ZC3HAV1: variants seen among roughly 807,000 people sequenced by gnomAD.
ZC3HAV1 encodes zinc finger CCCH-type antiviral protein 1.
In ZC3HAV1, 41 loss-of-function variants were observed where a neutral mutation model predicts 86.6. That is an observed-to-expected ratio of 0.47 (90% confidence interval 0.37 to 0.61). The LOEUF is 0.61. Among genes scored for constraint, ZC3HAV1 ranks in the 20% least tolerant of loss-of-function variants. The pLI, the probability that ZC3HAV1 is intolerant of heterozygous loss-of-function variation, is 0.00. For synonymous variants in ZC3HAV1, 421 were observed against 432.1 expected (o/e 0.97, Z 0.32); for missense variants, 964 against 1,141.1 (o/e 0.84, Z 2.24).
chr7:139,109,061 T>C lies in ZC3HAV1; in HGVS notation c.271A>G (p.Asn91Asp). 6.3e-7 allele frequency: 1 copy of C among 1,585,412 alleles called. No homozygotes were observed. The highest frequency in any genetic ancestry group is 8.6e-7 in the Non-Finnish European group (1 of 1,163,042). Residue 91 changes from asparagine to aspartate, a missense_variant, in exon 1 of 13, where the codon AAC becomes GAC. Transcript: ENST00000242351. ...GAATAGTTGCACCGGCCCAGCAAGT[T>C]GAGTTTGCAGAGATGCAGGTTATCG... is the stretch of plus-strand genomic sequence containing the variant. ...PCDNLHLCKL[N>D]LLGRCNYSQS... is the part of the protein sequence containing the mutation.
chr7:139,081,846 C>G (rs990237572), intron 3 of ZC3HAV1, among the ~76,000 whole-genome samples: 1 of 152,200 alleles, frequency 6.6e-6, no homozygotes, highest in Admixed American at 6.5e-5. Context: ...TTTAATTGTT[C>G]ATTAATTTGC....
At chr7:139,089,196 T>G (rs1215872068) in intron 2 of ZC3HAV1, among the ~76,000 whole-genome samples, 1 of 150,438 alleles carries the variant, frequency 6.6e-6, no homozygotes, top group Non-Finnish European at 1.5e-5. Context: ...TATCAAGAGA[T>G]AGAGAAACAA....
At chr7:139,075,135 C>T (rs780291205) in intron 6 of ZC3HAV1, among the ~76,000 whole-genome samples, 1 of 152,114 alleles carries the variant, frequency 6.6e-6, no homozygotes, top group Non-Finnish European at 1.5e-5. Context: ...TAAACAGAAT[C>T]TGGCCCAAAA....
intron 1 of ZC3HAV1, among the ~76,000 whole-genome samples, chr7:139,092,675 G>A (rs1817469930): frequency 6.6e-6 from 1 of 152,224 alleles, no homozygotes; most frequent in Admixed American, 6.5e-5. Flanking sequence ...CAGGTGTCCA[G>A]GCTTTTCCAA....
At chr7:139,101,050 G>T (rs1486280503) in intron 1 of ZC3HAV1, among the ~76,000 whole-genome samples, 1 of 152,188 alleles carries the variant, frequency 6.6e-6, no homozygotes, top group Non-Finnish European at 1.5e-5. Flanking sequence ...TCGCTGTGTT[G>T]GCCGGGCTGG....
rs190207771 is a variant in ZC3HAV1, at chr7:139,052,738, A to G, written c.2449+713T>C. The stretch of plus-strand genomic sequence containing the variant: ...AGGAGTTGAGACCAGCCTTGGCAAC[A>G]TGGCGAAACCCTGTCTCTATAAAAA... On this transcript the variant is annotated intron_variant, in intron 12 of 12. Coordinates refer to ENST00000242351, the MANE Select transcript of ZC3HAV1 (RefSeq NM_020119.4). Among the ~76,000 whole-genome samples the G allele has an allele frequency of 1.7e-3, 252 of 151,074 alleles. 1 individual carries two copies. The highest frequency in any genetic ancestry group is 6.0e-3 in the African/African-American group (247 of 41,048).
At chr7:139,102,066 A>G (rs1185373793) in intron 1 of ZC3HAV1, among the ~76,000 whole-genome samples, 1 of 152,184 alleles carries the variant, frequency 6.6e-6, no homozygotes, top group Non-Finnish European at 1.5e-5. Flanking sequence ...GTACATGTAC[A>G]CAAAGAAGCA....
intron 1 of ZC3HAV1, among the ~76,000 whole-genome samples, chr7:139,101,491 C>G (rs1283111122): frequency 3.9e-5 from 4 of 103,808 alleles, no homozygotes; most frequent in Non-Finnish European, 1.9e-5. Context: ...TCAGCCCGGC[C>G]ACCACCCCGT....
chr7:139,080,323 C>A, intron 3 of ZC3HAV1, 80 bp from the exon 4 acceptor site: 1 of 1,536,760 alleles, frequency 6.5e-7, no homozygotes, highest in Non-Finnish European at 8.9e-7. Flanking sequence ...ACCCTTCCTC[C>A]TCTTCACTTT....
At chr7:139,075,751 TG>T (rs113163136) in intron 6 of ZC3HAV1, among the ~76,000 whole-genome samples, 5,177 of 152,210 alleles carry the variant, frequency 0.034, 296 homozygotes, top group African/African-American at 0.12. Flanking sequence ...GAAGCAGAAA[TG>T]TAAGGTACCC....
intron 1 of ZC3HAV1, among the ~76,000 whole-genome samples, chr7:139,096,502 G>A (rs1817592105): frequency 6.6e-6 from 1 of 152,268 alleles, no homozygotes; most frequent in African/African-American, 2.4e-5. Context: ...ACAAAGGAAG[G>A]GGTAGAAGCC....
At chr7:139,086,149 A>C (rs1457255895) in intron 2 of ZC3HAV1, among the ~76,000 whole-genome samples, 1 of 152,164 alleles carries the variant, frequency 6.6e-6, no homozygotes, top group East Asian at 1.9e-4. Context: ...CTCCTGCCAA[A>C]GCCCTATGAA....
At position 139,043,714 on chromosome 7, in the gene ZC3HAV1, A is replaced by AG. The variant is rs535842365; in HGVS notation, c.*3879dup. Reference sequence around the variant, plus strand: ...AACAAGACAGACTGACTCAACCCTCAGGGGGCTTACATTCTAATGCAGAAA... The same window carrying AG: ...AACAAGACAGACTGACTCAACCCTCAGGGGGGCTTACATTCTAATGCAGAAA... On this transcript the variant is annotated 3_prime_UTR_variant, in exon 13 of 13. Transcript: ENST00000242351. The AG allele has an allele frequency of 6.6e-6, 1 of 152,142 alleles. No homozygotes were observed. The highest frequency in any genetic ancestry group is 1.5e-5 in the Non-Finnish European group (1 of 67,994). The allele number at this position is 152,142 out of a possible 1,614,324, so 9.4% of individuals were successfully genotyped here.
intron 1 of ZC3HAV1, among the ~76,000 whole-genome samples, chr7:139,093,330 G>T (rs886549564): frequency 5.3e-5 from 8 of 152,238 alleles, no homozygotes; most frequent in Admixed American, 3.3e-4. Context: ...AACTATTTAA[G>T]CAGGGTGCAA....
intron 1 of ZC3HAV1, among the ~76,000 whole-genome samples, chr7:139,106,472 A>G (rs554647332): frequency 5.0e-4 from 76 of 152,160 alleles, no homozygotes; most frequent in Admixed American, 8.5e-4. Context: ...AAATTAGCCA[A>G]GCATGGTGGC....
At chr7:139,107,820 C>G (rs995700756) in intron 1 of ZC3HAV1, among the ~76,000 whole-genome samples, 2 of 152,086 alleles carry the variant, frequency 1.3e-5, no homozygotes, top group African/African-American at 2.4e-5. Flanking sequence ...GGACACAAGT[C>G]AAAGTGTTTA....
intron 1 of ZC3HAV1, among the ~76,000 whole-genome samples, chr7:139,091,824 C>T (rs10247808): frequency 0.024 from 3,708 of 152,124 alleles, 146 homozygotes; most frequent in African/African-American, 0.085. Flanking sequence ...TGAAACTTCC[C>T]ACCACAAGAC....
Position 139,053,524 on chromosome 7 carries a change from G to C in ZC3HAV1, c.2376C>G (p.Ala792=). ...TATTCGAACAGATAGATTCCACATA[G>C]GCACGGCTTGTCGCATAAAATAGGA... ...GKLLFYATSR[A]YVESICSNNF... The change falls in exon 12 of 13, where the codon GCC becomes GCG. Residue 792 remains alanine, a synonymous_variant. Transcript: ENST00000242351. 6.2e-7 allele frequency: 1 copy of C among 1,605,406 alleles called. No individual in the cohort carries two copies. The highest frequency in any genetic ancestry group is 8.5e-7 in the Non-Finnish European group (1 of 1,177,438).
At chr7:139,054,660 C>G (rs1456110122) in intron 10 of ZC3HAV1, among the ~76,000 whole-genome samples, 1 of 152,182 alleles carries the variant, frequency 6.6e-6, no homozygotes, top group Non-Finnish European at 1.5e-5. Context: ...CCAAATGAGA[C>G]TGTGTGTGGC....
Sources: allele counts gnomAD v4.1 joint callset (sites outside exome capture counted in the v4.1 genomes callset), GRCh38; gene constraint gnomAD v4.1.1; transcripts MANE v1.5; gene names NCBI Gene and HGNC (gene_info 2026-07-23, HGNC 2026-07-21).